Variants in GNPAT observed in about 807,000 individuals in gnomAD.
GNPAT encodes dihydroxyacetone phosphate acyltransferase.
A neutral mutation model predicts 78.4 loss-of-function variants in GNPAT; 30 were observed. The ratio of observed to expected loss-of-function variants is 0.38; its 90% CI spans 0.29 to 0.52. The LOEUF (loss-of-function observed/expected upper bound fraction) is 0.52. GNPAT is among the 20% of genes least tolerant of loss of function. The pLI, the probability that GNPAT is intolerant of heterozygous loss-of-function variation, is 0.84. For missense variants in GNPAT, 714 were observed against 812.2 expected, an observed-to-expected ratio of 0.88 and a Z score of 1.47; for synonymous variants, 271 against 281.1, an observed-to-expected ratio of 0.96 and a Z score of 0.36.
chr1:231,254,364 C>T (rs1045229225), intron 2 of GNPAT, among the ~76,000 whole-genome samples: 1 of 152,046 alleles, frequency 6.6e-6, no homozygotes, highest in African/African-American at 2.4e-5. Context: ...GTTTTAGCAG[C>T]CCCACTCTCC....
chr1:231,254,808 G>A (rs1480472722), intron 2 of GNPAT, among the ~76,000 whole-genome samples: 12 of 150,188 alleles, frequency 8.0e-5, no homozygotes, highest in African/African-American at 1.7e-4. Context: ...ACTGGAGTGC[G>A]GTGCACAATC....
intron 15 of GNPAT, 113 bp downstream of exon 15, chr1:231,276,309 C>G (rs1014681234): frequency 1.5e-6 from 1 of 675,494 alleles, no homozygotes; most frequent in Non-Finnish European, 2.7e-6. Context: ...TAGTAGAGTT[C>G]TAACATAAAA....
chr1:231,241,340 C>T lies in GNPAT; in HGVS notation c.-39C>T. Reference sequence around the variant, plus strand: ...CAGCAGGAGCACCACCACGGCTTAGCAAAGAATCCCAGACCCCGCCCGGGA... The same window carrying T: ...CAGCAGGAGCACCACCACGGCTTAGTAAAGAATCCCAGACCCCGCCCGGGA... On this transcript the variant is annotated 5_prime_UTR_variant, in exon 1 of 16. Transcript: ENST00000366647. The T allele has an allele frequency of 6.4e-7, 1 of 1,556,168 alleles. No homozygotes were observed. Among genetic ancestry groups the T allele is most frequent in the Middle Eastern group, 1.7e-4 (1 of 5,958 alleles).
intron 5 of GNPAT, 106 bp downstream of exon 5, chr1:231,265,526 C>G (rs1685355841): frequency 1.9e-6 from 2 of 1,029,518 alleles, no homozygotes; most frequent in East Asian, 4.7e-5. Context: ...ATTTTGCTTT[C>G]CCTCAAGAAC....
intron 10 of GNPAT, among the ~76,000 whole-genome samples, chr1:231,271,260 G>C (rs187084838): frequency 6.6e-6 from 1 of 152,330 alleles, no homozygotes; most frequent in Admixed American, 6.5e-5. Flanking sequence ...TAATTACTGA[G>C]AGAAGGATCT....
rs754664024 is a variant in GNPAT at position 231,266,336 on chromosome 1, T to C, written c.984T>C (p.Phe328=). The change falls in exon 8 of 16, where the codon TTT becomes TTC. Residue 328 remains phenylalanine (F), a synonymous_variant. Coordinates refer to ENST00000366647, the MANE Select transcript of GNPAT (RefSeq NM_014236.4). ...ATTTTGGAAGCATCCATGTGTACTT[T>C]GGAGATCCTGTGTCACTTCGATCTT... ...SENFGSIHVY[F]GDPVSLRSLA... 1.9e-6 allele frequency: 3 copies of C among 1,614,032 alleles called. No individual in the cohort carries two copies. The highest frequency in any genetic ancestry group is 4.5e-5 in the East Asian group (2 of 44,878).
intron 9 of GNPAT, among the ~76,000 whole-genome samples, chr1:231,269,536 A>T (rs149745267): frequency 7.6e-4 from 116 of 152,274 alleles, no homozygotes; most frequent in African/African-American, 2.4e-3. Flanking sequence ...CAGCCAAGAG[A>T]TGAGGAGGAT....
chr1:231,258,190 C>T (rs1571942123), intron 2 of GNPAT: 1 of 152,298 alleles, frequency 6.6e-6, no homozygotes, highest in South Asian at 2.1e-4. Context: ...TTTCACCAAC[C>T]CTTAATTCTC....
chr1:231,271,586 T>G (rs912948570), intron 10 of GNPAT, among the ~76,000 whole-genome samples: 2 of 152,166 alleles, frequency 1.3e-5, no homozygotes, highest in African/African-American at 4.8e-5. Context: ...GGTTTTGGTT[T>G]TGGTTTTGGC....
At chr1:231,265,679 G>A (rs1181095233) in intron 5 of GNPAT, 33 bp from the exon 6 acceptor site, 1 of 1,279,832 alleles carries the variant, frequency 7.8e-7, no homozygotes, top group Admixed American at 1.7e-5. Flanking sequence ...AGTAGGCAAT[G>A]GGTTTTGTGT....
intron 2 of GNPAT, among the ~76,000 whole-genome samples, chr1:231,256,644 G>A (rs191536195): frequency 8.6e-5 from 13 of 151,772 alleles, no homozygotes; most frequent in African/African-American, 2.4e-4. Flanking sequence ...CCACCACCAC[G>A]CCCAGCTAAT....
At chr1:231,262,093 G>T (rs1571946269) in intron 3 of GNPAT, among the ~76,000 whole-genome samples, 1 of 152,312 alleles carries the variant, frequency 6.6e-6, no homozygotes, top group East Asian at 1.9e-4. Context: ...TTGATGGCCT[G>T]AGGAGTATAT....
At chr1:231,273,248 CTTTTTTT>C (rs574185259) in intron 11 of GNPAT, among the ~76,000 whole-genome samples, 1 of 122,716 alleles carries the variant, frequency 8.1e-6, no homozygotes, top group Non-Finnish European at 1.7e-5. Context: ...GTGTTGGAAA[CTTTTTTT>C]TTTTTTTTTT....
intron 2 of GNPAT, among the ~76,000 whole-genome samples, chr1:231,258,622 A>AATTTTT (rs1685131048): frequency 1.4e-5 from 1 of 73,762 alleles, no homozygotes; most frequent in East Asian, 4.6e-4. Flanking sequence ...TTTTAATGCA[A>AATTTTT]TTTTTTTTTT....
chr1:231,273,296 G>C (rs955079914), intron 11 of GNPAT, among the ~76,000 whole-genome samples: 2 of 145,142 alleles, frequency 1.4e-5, no homozygotes, highest in African/African-American at 5.2e-5. Flanking sequence ...CTGTCGCTCA[G>C]GCTAGAGTGC....
rs1284687836 is a variant in GNPAT, at chr1:231,265,294, C to A, written c.570C>A (p.Asp190Glu). 6.2e-7 allele frequency: 1 copy of A among 1,609,948 alleles called. No individual in the cohort carries two copies. Among genetic ancestry groups the A allele is most frequent in the Admixed American group, 1.7e-5 (1 of 60,014 alleles). The change falls in exon 5 of 16, where the codon GAC becomes GAA. Residue 190 changes from aspartate to glutamate, a missense_variant and splice_region_variant. Transcript: ENST00000366647. ...TAAATATTATCCCCTCTTTTTTAGA[C>A]TTCCTGGGAATGAAAATGGTTGGTG... The part of the protein sequence containing the change: ...LPVPVIAAGM[D>E]FLGMKMVGEL...
At chr1:231,262,901 C>T (rs1454286016) in intron 4 of GNPAT, 49 bp downstream of exon 4, 6 of 1,417,496 alleles carry the variant, frequency 4.2e-6, no homozygotes, top group Non-Finnish European at 6.0e-6. Flanking sequence ...AAAAAGTTCA[C>T]TGGCATATTC....
At chr1:231,251,248 G>A (rs1014360098) in intron 2 of GNPAT, 105 bp downstream of exon 2, 1 of 687,404 alleles carries the variant, frequency 1.5e-6, no homozygotes, top group Non-Finnish European at 2.6e-6. Context: ...AGGCTGAGCT[G>A]TATTCATCAC....
intron 2 of GNPAT, among the ~76,000 whole-genome samples, chr1:231,257,414 A>G (rs1291449157): frequency 6.6e-6 from 1 of 152,190 alleles, no homozygotes; most frequent in Non-Finnish European, 1.5e-5. Flanking sequence ...CTTATCTAGT[A>G]AAGGTTACCA....
Sources: allele counts gnomAD v4.1 joint callset (sites outside exome capture counted in the v4.1 genomes callset), GRCh38; gene constraint gnomAD v4.1.1; transcripts MANE v1.5; gene names NCBI Gene and HGNC (gene_info 2026-07-23, HGNC 2026-07-21).